Variants in GRID2 observed in about 807,000 individuals in gnomAD.
GRID2 encodes glutamate receptor ionotropic, delta-2.
A neutral mutation model predicts 114.8 loss-of-function variants in GRID2; 33 were observed. That is an observed-to-expected ratio of 0.29 (90% confidence interval 0.22 to 0.38). The LOEUF is 0.38. GRID2 is among the 10% of genes least tolerant of loss of function. The pLI is 1.00. For missense variants in GRID2, 1,184 were observed against 1,257.7 expected (o/e 0.94, Z 0.89); for synonymous variants, 505 against 449.9 (o/e 1.12, Z -1.55).
chr4:92,958,323 G>A (rs1752564811), intron 2 of GRID2, among the ~76,000 whole-genome samples: 1 of 151,976 alleles, frequency 6.6e-6, no homozygotes, highest in Non-Finnish European at 1.5e-5. Context: ...TCTATTCTTA[G>A]TTGACTGAGA....
chr4:93,311,725 C>G (rs1756038123), intron 8 of GRID2, among the ~76,000 whole-genome samples: 1 of 152,076 alleles, frequency 6.6e-6, no homozygotes, highest in Non-Finnish European at 1.5e-5. Flanking sequence ...TGAGGATGAA[C>G]AGGAGAGGGT....
At chr4:92,912,925 T>C (rs535209487) in intron 2 of GRID2, among the ~76,000 whole-genome samples, 2 of 151,976 alleles carry the variant, frequency 1.3e-5, no homozygotes, top group East Asian at 3.9e-4. Flanking sequence ...ATCTTATCCA[T>C]GACACCAATT....
intron 2 of GRID2, among the ~76,000 whole-genome samples, chr4:92,730,174 G>A (rs2149323660): frequency 6.6e-6 from 1 of 151,382 alleles, no homozygotes; most frequent in South Asian, 2.1e-4. Flanking sequence ...TCTTTCCATA[G>A]CACTTGGGAT....
intron 2 of GRID2, among the ~76,000 whole-genome samples, chr4:92,941,177 G>C (rs776659443): frequency 1.3e-5 from 2 of 152,092 alleles, no homozygotes; most frequent in Non-Finnish European, 2.9e-5. Flanking sequence ...GGTAGAATTC[G>C]GCTGTGAATC....
chr4:92,414,355 G>A (rs905871622), intron 1 of GRID2, among the ~76,000 whole-genome samples: 9 of 152,202 alleles, frequency 5.9e-5, no homozygotes, highest in Non-Finnish European at 1.3e-4. Context: ...AAACTTTCGT[G>A]ATTGTCTCCA....
chr4:92,647,850 T>C (rs1307558049), intron 2 of GRID2, among the ~76,000 whole-genome samples: 1 of 149,832 alleles, frequency 6.7e-6, no homozygotes, highest in African/African-American at 2.5e-5. Flanking sequence ...TAATTTGAAA[T>C]GTTCCTTATC....
intron 2 of GRID2, among the ~76,000 whole-genome samples, chr4:92,931,284 A>T (rs1012597767): frequency 6.6e-6 from 1 of 150,854 alleles, no homozygotes; most frequent in Non-Finnish European, 1.5e-5. Flanking sequence ...CTGACATGAC[A>T]CTCATTTATG....
At chr4:93,296,407 G>A (rs1199094774) in intron 8 of GRID2, among the ~76,000 whole-genome samples, 1 of 151,812 alleles carries the variant, frequency 6.6e-6, no homozygotes, top group Non-Finnish European at 1.5e-5. Flanking sequence ...GTTCCACATG[G>A]TATCTCTAGG....
intron 4 of GRID2, among the ~76,000 whole-genome samples, chr4:93,130,525 C>A (rs928553483): frequency 6.6e-6 from 1 of 151,892 alleles, no homozygotes; most frequent in African/African-American, 2.4e-5. Context: ...CAGATAATTA[C>A]CAGAGAAACA....
intron 8 of GRID2, among the ~76,000 whole-genome samples, chr4:93,376,831 C>T (rs564760464): frequency 1.3e-5 from 2 of 152,162 alleles, no homozygotes; most frequent in African/African-American, 4.8e-5. Flanking sequence ...GGGTGGAGTG[C>T]AGAGAGGGAG....
chr4:93,678,785 C>T (rs1457799890), intron 14 of GRID2, among the ~76,000 whole-genome samples: 6 of 151,226 alleles, frequency 4.0e-5, no homozygotes, highest in Non-Finnish European at 8.8e-5. Context: ...AAGCACTAAA[C>T]ATGGAAAGGA....
At chr4:93,532,556 G>A (rs534437741) in intron 13 of GRID2, among the ~76,000 whole-genome samples, 72 of 152,224 alleles carry the variant, frequency 4.7e-4, no homozygotes, top group African/African-American at 1.7e-3. Context: ...GGAGAGTTGT[G>A]AATTACAGTC....
At chr4:93,455,517 G>T in intron 10 of GRID2, 145 bp from the exon 11 acceptor site, 1 of 610,748 alleles carries the variant, frequency 1.6e-6, no homozygotes, top group East Asian at 2.8e-5. Context: ...TCTTCTGTAA[G>T]AAGTCTATGC....
intron 11 of GRID2, among the ~76,000 whole-genome samples, chr4:93,482,176 T>C (rs1444363277): frequency 6.6e-6 from 1 of 152,060 alleles, no homozygotes; most frequent in East Asian, 1.9e-4. Flanking sequence ...GTTCTTACCA[T>C]GATATTACTG....
intron 14 of GRID2, among the ~76,000 whole-genome samples, chr4:93,760,098 A>G (rs2110307659): frequency 6.6e-6 from 1 of 152,328 alleles, no homozygotes; most frequent in South Asian, 2.1e-4. Flanking sequence ...GGCTGTTACA[A>G]GAGTAAGAGG....
chr4:92,643,009 A>G (rs1210373238), intron 2 of GRID2, among the ~76,000 whole-genome samples: 1 of 151,776 alleles, frequency 6.6e-6, no homozygotes, highest in East Asian at 1.9e-4. Flanking sequence ...GCCTTATAGT[A>G]TAGTTTGACG....
chr4:93,288,613 T>C (rs969024420), intron 8 of GRID2, among the ~76,000 whole-genome samples: 5 of 152,234 alleles, frequency 3.3e-5, no homozygotes, highest in Non-Finnish European at 7.3e-5. Flanking sequence ...CTCACCTATA[T>C]ACTTTTTATT....
intron 13 of GRID2, among the ~76,000 whole-genome samples, chr4:93,606,156 A>G (rs1327653137): frequency 2.0e-5 from 3 of 152,170 alleles, no homozygotes; most frequent in Non-Finnish European, 1.5e-5. Context: ...AGTCCCAGCT[A>G]CTTGGGAGGC....
At chr4:92,839,533 T>C (rs564388030) in intron 2 of GRID2, among the ~76,000 whole-genome samples, 14 of 151,734 alleles carry the variant, frequency 9.2e-5, no homozygotes, top group Non-Finnish European at 2.1e-4. Flanking sequence ...TTAAAAACTT[T>C]TTAAAGAAAA....
Sources: allele counts gnomAD v4.1 joint callset (sites outside exome capture counted in the v4.1 genomes callset), GRCh38; gene constraint gnomAD v4.1.1; transcripts MANE v1.5; gene names NCBI Gene and HGNC (gene_info 2026-07-23, HGNC 2026-07-21).